Variants in STAU2 observed in about 807,000 individuals in gnomAD.
STAU2 encodes staufen double-stranded RNA binding protein 2.
STAU2 carries 20 observed loss-of-function variants against 65.9 expected under a neutral mutation model. That is an observed-to-expected ratio of 0.30 (90% confidence interval 0.21 to 0.44). The LOEUF is 0.44. STAU2 is among the 20% of genes least tolerant of loss of function. The pLI is 1.00. For missense variants in STAU2, 558 were observed against 683.9 expected, an observed-to-expected ratio of 0.82 and a Z score of 2.05; for synonymous variants, 232 against 233.9, an observed-to-expected ratio of 0.99 and a Z score of 0.07.
intron 13 of STAU2, among the ~76,000 whole-genome samples, chr8:73,444,170 G>T (rs1818341308): frequency 6.6e-6 from 1 of 152,136 alleles, no homozygotes; most frequent in Non-Finnish European, 1.5e-5. Flanking sequence ...ACTTTGGAAG[G>T]CCGAGGCGGG....
chr8:73,470,871 G>C (rs1036702775), intron 13 of STAU2, among the ~76,000 whole-genome samples: 6 of 152,086 alleles, frequency 3.9e-5, no homozygotes, highest in Non-Finnish European at 8.8e-5. Flanking sequence ...AATTACTGAA[G>C]CAGTGCCACC....
intron 6 of STAU2, among the ~76,000 whole-genome samples, chr8:73,618,497 G>A (rs879901869): frequency 1.4e-4 from 21 of 152,220 alleles, no homozygotes; most frequent in Non-Finnish European, 2.8e-4. Flanking sequence ...TCTGGCAAAA[G>A]TTTAGGGAGA....
chr8:73,629,135 T>C (rs1032329127), intron 6 of STAU2, among the ~76,000 whole-genome samples: 4 of 152,244 alleles, frequency 2.6e-5, no homozygotes, highest in South Asian at 4.1e-4. Context: ...GTATAGTTAA[T>C]AGATACTCAC....
chr8:73,455,889 G>T (rs563696374), intron 13 of STAU2, among the ~76,000 whole-genome samples: 2 of 152,298 alleles, frequency 1.3e-5, no homozygotes, highest in South Asian at 4.1e-4. Flanking sequence ...CATAGTGGAT[G>T]TTCAGTACAT....
intron 12 of STAU2, among the ~76,000 whole-genome samples, chr8:73,565,567 T>C (rs866894025): frequency 7.2e-5 from 11 of 152,200 alleles, no homozygotes; most frequent in African/African-American, 2.7e-4. Context: ...ATATTTGTTA[T>C]TGTTTGTTTT....
At chr8:73,429,586 C>T (rs1320526522) in intron 13 of STAU2, among the ~76,000 whole-genome samples, 2 of 151,126 alleles carry the variant, frequency 1.3e-5, no homozygotes, top group Admixed American at 6.6e-5. Context: ...GCAGGCACCA[C>T]CATACCTGGC....
chr8:73,523,222 A>G (rs1823149837), intron 13 of STAU2, among the ~76,000 whole-genome samples: 1 of 148,146 alleles, frequency 6.8e-6, no homozygotes, highest in Non-Finnish European at 1.5e-5. Flanking sequence ...AAAAAAAAGA[A>G]AAGTCTGAAG....
At chr8:73,566,709 C>A (rs1026450539) in intron 12 of STAU2, among the ~76,000 whole-genome samples, 1 of 152,158 alleles carries the variant, frequency 6.6e-6, no homozygotes, top group East Asian at 1.9e-4. Context: ...GTTATAAAAT[C>A]AACTGAGCCT....
At chr8:73,637,845 G>A (rs1450020511) in intron 6 of STAU2, among the ~76,000 whole-genome samples, 1 of 151,990 alleles carries the variant, frequency 6.6e-6, no homozygotes, top group Non-Finnish European at 1.5e-5. Flanking sequence ...ATAACATTGT[G>A]GAAGTTATGA....
At chr8:73,672,865 T>C in intron 6 of STAU2, 1 of 277,418 alleles carries the variant, frequency 3.6e-6, no homozygotes, top group Non-Finnish European at 6.6e-6. Flanking sequence ...CAATAAAAAC[T>C]AGTTCCTTCA....
chr8:73,421,562 AC>A, intron 14 of STAU2, 97 bp from the exon 15 acceptor site: 1 of 1,083,978 alleles, frequency 9.2e-7, no homozygotes, highest in Middle Eastern at 2.0e-4. Flanking sequence ...AAAGGTCACC[AC>A]AAAAGTGACA....
At chr8:73,689,579 T>C (rs10093439) in intron 4 of STAU2, among the ~76,000 whole-genome samples, 11,031 of 152,232 alleles carry the variant, frequency 0.072, 435 homozygotes, top group Middle Eastern at 0.14. Flanking sequence ...ACTAACATGC[T>C]CTGAATTCCA....
At position 73,604,013 on chromosome 8, in the gene STAU2, A is replaced by G. The variant is rs533922458; in HGVS notation, c.892-150T>C. 3.3e-5 allele frequency: 30 copies of G among 915,834 alleles called. 1 individual carries two copies. The South Asian group carries it at 6.8e-4, about 21-fold the overall frequency. The allele number at this position is 915,834 out of a possible 1,614,324, so 56.7% of individuals were successfully genotyped here. On this transcript the variant is annotated intron_variant, in intron 9 of 14. Coordinates refer to ENST00000524300, the MANE Select transcript of STAU2 (RefSeq NM_001164380.2). ...AGTCATTTATGAATATTTATAAAGGAAAATCATAAAATAGACCTGTAACCA... is the reference window on the plus strand; with the variant it reads ...AGTCATTTATGAATATTTATAAAGGGAAATCATAAAATAGACCTGTAACCA...
intron 13 of STAU2, among the ~76,000 whole-genome samples, chr8:73,483,292 A>AG (rs1820736992): frequency 6.6e-6 from 1 of 152,130 alleles, no homozygotes; most frequent in Non-Finnish European, 1.5e-5. Context: ...TAAAGAAATC[A>AG]GGGGGGAAAA....
At chr8:73,745,749 G>C (rs1170722844) in intron 1 of STAU2, among the ~76,000 whole-genome samples, 1 of 152,100 alleles carries the variant, frequency 6.6e-6, no homozygotes, top group Non-Finnish European at 1.5e-5. Context: ...TAACCCTTTG[G>C]AGTGGGGATG....
chr8:73,746,884 GC>G, upstream of STAU2: 5 of 870,272 alleles, frequency 5.7e-6, no homozygotes, highest in Non-Finnish European at 2.9e-6. Flanking sequence ...CGGGCTCCCC[GC>G]CCCCCGCCTC....
At chr8:73,727,528 C>T (rs1805733133) in intron 3 of STAU2, among the ~76,000 whole-genome samples, 1 of 152,212 alleles carries the variant, frequency 6.6e-6, no homozygotes. Context: ...GGTTCATCTG[C>T]ATCGTAGCAT....
At chr8:73,551,132 T>C in intron 13 of STAU2, 1 of 987,542 alleles carries the variant, frequency 1.0e-6, no homozygotes, top group Non-Finnish European at 1.2e-6. Flanking sequence ...GTTCAGTACA[T>C]GATTTTCAAG....
intron 13 of STAU2, among the ~76,000 whole-genome samples, chr8:73,492,622 T>A (rs575353855): frequency 1.3e-5 from 2 of 152,006 alleles, no homozygotes; most frequent in South Asian, 2.1e-4. Context: ...CTGATTCTTG[T>A]TATTAAAATT....
Sources: allele counts gnomAD v4.1 joint callset (sites outside exome capture counted in the v4.1 genomes callset), GRCh38; gene constraint gnomAD v4.1.1; transcripts MANE v1.5; gene names NCBI Gene and HGNC (gene_info 2026-07-23, HGNC 2026-07-21).